PPL: variants seen among roughly 807,000 people sequenced by gnomAD.
PPL encodes periplakin, also known as 190 kDa paraneoplastic pemphigus antigen.
Under a neutral mutation model 194.4 loss-of-function variants are expected in PPL, and 198 were observed. The ratio of observed to expected loss-of-function variants is 1.02; its 90% CI spans 0.91 to 1.15. The LOEUF (loss-of-function observed/expected upper bound fraction) is 1.15. Ranked by LOEUF, PPL falls within the 50% of genes most tolerant of loss-of-function variation. PPL has a pLI of 0.00. For missense variants in PPL, 2,885 were observed against 2,294.8 expected (o/e 1.26, Z -5.25); for synonymous variants, 1,220 against 972.4 (o/e 1.25, Z -4.74).
intron 1 of PPL, among the ~76,000 whole-genome samples, chr16:4,919,267 G>A (rs1015699743): frequency 6.6e-6 from 1 of 152,190 alleles, no homozygotes; most frequent in South Asian, 2.1e-4. Context: ...CGGACGTGAA[G>A]TCACTACCCA....
At chr16:4,891,576 C>G (rs2088320173) in intron 16 of PPL, 1 of 507,904 alleles carries the variant, frequency 2.0e-6, no homozygotes, top group Non-Finnish European at 3.4e-6. Context: ...ACTACACTGG[C>G]TATTGCAGAT....
At chr16:4,894,363 G>A (rs1336571734) in intron 12 of PPL, 104 bp downstream of exon 12, 15 of 1,439,734 alleles carry the variant, frequency 1.0e-5, no homozygotes, top group South Asian at 7.9e-5. Flanking sequence ...CAGCGACCCC[G>A]CGCTCCCCAC....
intron 12 of PPL, among the ~76,000 whole-genome samples, chr16:4,893,997 T>C (rs527632740): frequency 1.3e-5 from 2 of 152,284 alleles, no homozygotes; most frequent in East Asian, 3.9e-4. Context: ...GGGCACCTAC[T>C]TTGTACCAGG....
At position 4,895,336 on chromosome 16, in the gene PPL, C is replaced by T; in HGVS notation, c.1167G>A (p.Val389=). The T allele has an allele frequency of 6.2e-7, 1 of 1,613,398 alleles. No homozygotes were observed. The highest frequency in any genetic ancestry group is 1.1e-5 in the South Asian group (1 of 91,088). ...GAGTCTCCCGGCGGTACTTGAGGGGCACCACCTGCTGGCCTCGCTTCTGCA... is the reference window on the plus strand; with the variant it reads ...GAGTCTCCCGGCGGTACTTGAGGGGTACCACCTGCTGGCCTCGCTTCTGCA... ...QGLQKRGQQV[V]PLKYRRETPL... Residue 389 remains valine, a synonymous_variant, in exon 11 of 22, where the codon GTG becomes GTA. Transcript: ENST00000345988.
In PPL at chr16:4,910,045, C is replaced by A. The variant is rs183533218; in HGVS notation, c.162+805G>T. Among the ~76,000 whole-genome samples the A allele has an allele frequency of 1.2e-3, 188 of 152,262 alleles. 1 individual carries two copies. The highest frequency in any genetic ancestry group is 0.01 in the Middle Eastern group (3 of 294). On this transcript the variant is annotated intron_variant, in intron 2 of 21. Coordinates refer to ENST00000345988, the MANE Select transcript of PPL (RefSeq NM_002705.5). ...GGTACAAAACAGGCATCAACCCAAT[C>A]GCACCGGGCTGGCGCTGGTGGAAGG...
rs1265722141 is a variant in PPL at position 4,903,941 on chromosome 16, C to A, written c.262G>T (p.Asp88Tyr). Residue 88 changes from aspartate (D) to tyrosine (Y), a missense_variant, in exon 3 of 22, where the codon GAT becomes TAT. Transcript: ENST00000345988. ...SEKLLYVLEADAAIAKHMKHP... is the reference protein window; with the variant it reads ...SEKLLYVLEAYAAIAKHMKHP... ...TTCATGTGCTTGGCAATGGCCGCAT[C>A]CGCCTCTAGCACATAGAGCAGCTTC... is the stretch of plus-strand genomic sequence containing the variant. 6.2e-7 allele frequency: 1 copy of A among 1,614,108 alleles called. No homozygotes were observed. Among genetic ancestry groups the A allele is most frequent in the Admixed American group, 1.7e-5 (1 of 60,028 alleles).
chr16:4,931,961 G>A (rs1409116403), intron 1 of PPL, among the ~76,000 whole-genome samples: 2 of 152,206 alleles, frequency 1.3e-5, no homozygotes, highest in Admixed American at 1.3e-4. Flanking sequence ...AAGCTAGAGA[G>A]AAGAGAGGTA....
In PPL at chr16:4,923,638, G is replaced by A. The variant is rs1048535209; in HGVS notation, c.63-12689C>T. ...AGGAAACTGAGGCAGCCTGGCCAGG[G>A]CAGGGAACGTAGCCTGTGTTGTGGC... On this transcript the variant is annotated intron_variant, in intron 1 of 21. Coordinates refer to ENST00000345988, the MANE Select transcript of PPL (RefSeq NM_002705.5). Among the ~76,000 whole-genome samples, 9 of 152,238 alleles carry A rather than the reference G, an allele frequency of 5.9e-5. No homozygotes were observed. In the East Asian group the frequency reaches 1.5e-3, roughly 26 times the overall value.
chr16:4,885,538 G>T lies in PPL; in HGVS notation c.3117C>A (p.Ala1039=), dbSNP rs762052371. 2 of 1,610,592 alleles carry T rather than the reference G, an allele frequency of 1.2e-6. No individual in the cohort carries two copies. The highest frequency in any genetic ancestry group is 1.7e-6 in the Non-Finnish European group (2 of 1,179,918). The change falls in exon 22 of 22, where the codon GCC becomes GCA. Residue 1039 remains alanine (A), a synonymous_variant. Coordinates refer to ENST00000345988, the MANE Select transcript of PPL (RefSeq NM_002705.5). This position sits in a 1 kb window ranked among gnomAD's most constrained non-coding sequence, Gnocchi z 6.3. ...AEVLLLQQRV[A]ALAEEKSRAQ... ...CCCGGCTCTTCTCTTCAGCCAGGGC[G>T]GCCACACGCTGCTGCAGGAGGAGCA...
intron 2 of PPL, among the ~76,000 whole-genome samples, chr16:4,907,899 T>C (rs1375817958): frequency 6.6e-6 from 1 of 152,114 alleles, no homozygotes; most frequent in Non-Finnish European, 1.5e-5. Context: ...CTCACACCTG[T>C]AATCCCAGCA....
At chr16:4,913,387 G>T (rs1024268989) in intron 1 of PPL, among the ~76,000 whole-genome samples, 1 of 152,194 alleles carries the variant, frequency 6.6e-6, no homozygotes. Flanking sequence ...ATGGACTAGA[G>T]TAACAGTCCT....
In PPL at chr16:4,890,774, T is replaced by C; in HGVS notation, c.2116A>G (p.Lys706Glu). ...AGGTTGTTGAAACGCTGGCCCAGCT[T>C]GTGCACCTCGGCCTCCTGGCGCTCC... ...DLERQEAEVHKLGQRFNNLRQ... is the reference protein window; with the variant it reads ...DLERQEAEVHELGQRFNNLRQ... Residue 706 changes from lysine to glutamate, a missense_variant, in exon 17 of 22, where the codon AAG becomes GAG. Lys to Glu is a moderately conservative substitution (Grantham distance 56). Coordinates refer to ENST00000345988, the MANE Select transcript of PPL (RefSeq NM_002705.5). 1 of 1,609,820 alleles carries C rather than the reference T, an allele frequency of 6.2e-7. No homozygotes were observed.
rs202048413 is a variant in PPL at position 4,903,868 on chromosome 16, G to C, written c.317+18C>G. 6.2e-7 allele frequency: 1 copy of C among 1,613,086 alleles called. No homozygotes were observed. The highest frequency in any genetic ancestry group is 8.5e-7 in the Non-Finnish European group (1 of 1,179,626). On this transcript the variant is annotated intron_variant, in intron 3 of 21. Coordinates refer to ENST00000345988, the MANE Select transcript of PPL (RefSeq NM_002705.5). ...GCCCCCAATGGCTCCCCTGGGGTAA[G>C]AAGCAGAAGGGACCTACTCCTCGGC... is the stretch of plus-strand genomic sequence containing the variant.
At position 4,883,726 on chromosome 16, in the gene PPL, C is replaced by T. The variant is rs2088147989; in HGVS notation, c.4929G>A (p.Val1643=). ...TCTCCCGCTGCTCCCGCTTGACGGC[C>T]ACGGAGCCCAGGCGCTTCTGCAGCT... The part of the protein sequence containing the change: ...IDELQKRLGS[V]AVKREQRENH... The change falls in exon 22 of 22, where the codon GTG becomes GTA. Residue 1643 remains valine, a synonymous_variant. Transcript: ENST00000345988. This position sits in a 1 kb window ranked among gnomAD's most constrained non-coding sequence, Gnocchi z 4.8. 1.2e-6 allele frequency: 2 copies of T among 1,614,042 alleles called. No homozygotes were observed. The highest frequency in any genetic ancestry group is 1.7e-6 in the Non-Finnish European group (2 of 1,180,008).
chr16:4,929,437 G>A (rs2089200552), intron 1 of PPL, among the ~76,000 whole-genome samples: 2 of 151,930 alleles, frequency 1.3e-5, no homozygotes, highest in African/African-American at 4.8e-5. Context: ...TGTGCCCCAC[G>A]CCAGCTCGCC....
At chr16:4,930,632 A>C (rs1484080792) in intron 1 of PPL, among the ~76,000 whole-genome samples, 1 of 152,178 alleles carries the variant, frequency 6.6e-6, no homozygotes, top group Non-Finnish European at 1.5e-5. Context: ...ATAGCTGCTG[A>C]GATAAGAGCT....
At chr16:4,929,530 G>A (rs760151541) in intron 1 of PPL, among the ~76,000 whole-genome samples, 2 of 152,114 alleles carry the variant, frequency 1.3e-5, no homozygotes, top group Non-Finnish European at 2.9e-5. Flanking sequence ...AATCAGCCAC[G>A]CATGTCCCCA....
chr16:4,893,812 G>C (rs1476903935), intron 12 of PPL, 174 bp from the exon 13 acceptor site: 1 of 593,584 alleles, frequency 1.7e-6, no homozygotes, highest in Non-Finnish European at 3.0e-6. Flanking sequence ...TGGGCTCAGA[G>C]CTCTTCTCCC....
intron 2 of PPL, among the ~76,000 whole-genome samples, chr16:4,910,303 G>A (rs1399868545): frequency 6.6e-6 from 1 of 152,200 alleles, no homozygotes; most frequent in Non-Finnish European, 1.5e-5. Context: ...GAATGATATT[G>A]ACGATAATAG....
Sources: gnomAD v4.1 joint callset for allele counts (sites outside exome capture counted in the v4.1 genomes callset) on GRCh38, gnomAD v4.1.1 for gene constraint, Gnocchi (gnomAD v3.1) non-coding constraint, MANE v1.5 for transcripts, NCBI Gene and HGNC (gene_info 2026-07-23, HGNC 2026-07-21) for gene names.